GRIK2: variants seen among roughly 807,000 people sequenced by gnomAD.
GRIK2 encodes the protein glutamate receptor ionotropic, kainate 2.
Under a neutral mutation model 100.3 loss-of-function variants are expected in GRIK2, and 32 were observed. The observed-to-expected ratio is 0.32, with a 90% CI of 0.24 to 0.43. GRIK2 has a LOEUF of 0.43. Among genes scored for constraint, GRIK2 ranks in the 20% least tolerant of loss-of-function variants. The pLI is 1.00. For synonymous variants in GRIK2, 417 were observed against 389.4 expected, an observed-to-expected ratio of 1.07 and a Z score of -0.83; for missense variants, 843 against 1,114.9, an observed-to-expected ratio of 0.76 and a Z score of 3.47.
chr6:101,930,232 C>T (rs1444137434), intron 14 of GRIK2, among the ~76,000 whole-genome samples: 1 of 151,708 alleles, frequency 6.6e-6, no homozygotes, highest in Non-Finnish European at 1.5e-5. Flanking sequence ...TTCCCAGCTA[C>T]TTGGGAGGCT....
At chr6:101,793,753 A>T (rs2128409888) in intron 7 of GRIK2, among the ~76,000 whole-genome samples, 1 of 152,218 alleles carries the variant, frequency 6.6e-6, no homozygotes, top group South Asian at 2.1e-4. Flanking sequence ...TCAGACAGGG[A>T]CATTGAAGTC....
chr6:101,654,899 A>C (rs1252233004), intron 4 of GRIK2, among the ~76,000 whole-genome samples: 1 of 152,118 alleles, frequency 6.6e-6, no homozygotes, highest in South Asian at 2.1e-4. Flanking sequence ...CCTTGTGTTA[A>C]CAACTTAGTG....
At chr6:101,607,290 A>G (rs1459514124) in intron 2 of GRIK2, among the ~76,000 whole-genome samples, 2 of 152,010 alleles carry the variant, frequency 1.3e-5, no homozygotes, top group African/African-American at 4.8e-5. Context: ...TGGACGAGGC[A>G]CAATGTGTTA....
At chr6:101,697,491 A>G (rs1772579026) in intron 7 of GRIK2, among the ~76,000 whole-genome samples, 1 of 86,896 alleles carries the variant, frequency 1.2e-5, no homozygotes, top group Non-Finnish European at 3.5e-5. Flanking sequence ...TGCTATTACA[A>G]TAACATATCC....
chr6:101,981,992 T>C (rs1164478819), intron 14 of GRIK2, among the ~76,000 whole-genome samples: 4 of 151,860 alleles, frequency 2.6e-5, no homozygotes, highest in Non-Finnish European at 5.9e-5. Context: ...AGGAAAAATA[T>C]AGAAAATATA....
chr6:101,722,632 A>G (rs1774564356), intron 7 of GRIK2, among the ~76,000 whole-genome samples: 1 of 152,070 alleles, frequency 6.6e-6, no homozygotes, highest in South Asian at 2.1e-4. Flanking sequence ...CAGACAGTGT[A>G]TCTGGACTGT....
intron 2 of GRIK2, among the ~76,000 whole-genome samples, chr6:101,597,794 T>G (rs1482874010): frequency 1.3e-5 from 2 of 151,806 alleles, no homozygotes; most frequent in South Asian, 2.1e-4. Context: ...GAAGAGTTGT[T>G]AAAAAGACAG....
chr6:101,483,616 C>T (rs1465159344), intron 2 of GRIK2, among the ~76,000 whole-genome samples: 1 of 152,006 alleles, frequency 6.6e-6, no homozygotes, highest in Non-Finnish European at 1.5e-5. Flanking sequence ...GCTCTGTTGC[C>T]TAGGCTGGAG....
chr6:101,453,233 C>A (rs969758346), intron 2 of GRIK2, among the ~76,000 whole-genome samples: 2 of 151,528 alleles, frequency 1.3e-5, no homozygotes, highest in African/African-American at 4.8e-5. Context: ...CCAGTAGTTT[C>A]TTTTTTTCAT....
At chr6:101,467,587 A>T (rs1282105508) in intron 2 of GRIK2, among the ~76,000 whole-genome samples, 1 of 152,174 alleles carries the variant, frequency 6.6e-6, no homozygotes, top group African/African-American at 2.4e-5. Context: ...ACCTTCCATT[A>T]TTCAATATTG....
chr6:101,573,142 A>G (rs927529747), intron 2 of GRIK2, among the ~76,000 whole-genome samples: 2 of 152,048 alleles, frequency 1.3e-5, no homozygotes, highest in Admixed American at 6.6e-5. Flanking sequence ...CACCACACCC[A>G]GACACTTTAA....
intron 14 of GRIK2, among the ~76,000 whole-genome samples, chr6:101,941,670 C>T (rs772356440): frequency 6.6e-6 from 1 of 151,912 alleles, no homozygotes; most frequent in African/African-American, 2.4e-5. Context: ...AAGATGGTAA[C>T]ATATGTTATT....
Position 101,829,483 on chromosome 6 carries a change from T to C in GRIK2, c.1317+11000T>C, listed in dbSNP as rs561964481. Among the ~76,000 whole-genome samples the C allele has an allele frequency of 2.1e-3, 315 of 152,068 alleles. 3 individuals carry two copies. The highest frequency in any genetic ancestry group is 7.0e-3 in the African/African-American group (291 of 41,550). ...TCTCTTCACTGAATTTATGATTTTA[T>C]ACCTAAAAAACCCTGAAGATTCCTC... On this transcript the variant is annotated intron_variant, in intron 10 of 16. Transcript: ENST00000369134.
chr6:101,869,509 A>C (rs1785253601), intron 11 of GRIK2, among the ~76,000 whole-genome samples: 1 of 151,854 alleles, frequency 6.6e-6, no homozygotes, highest in Non-Finnish European at 1.5e-5. Flanking sequence ...TGGCCACTGA[A>C]CTGGAGTTTA....
intron 10 of GRIK2, among the ~76,000 whole-genome samples, chr6:101,829,267 G>T (rs1356359458): frequency 5.9e-5 from 9 of 151,660 alleles, no homozygotes; most frequent in African/African-American, 2.2e-4. Context: ...AACTGTCAAT[G>T]CTAAACCCAC....
intron 2 of GRIK2, among the ~76,000 whole-genome samples, chr6:101,514,335 G>A (rs1000304401): frequency 3.3e-5 from 5 of 151,960 alleles, no homozygotes; most frequent in African/African-American, 1.2e-4. Context: ...AAAACGACAC[G>A]GACACACATG....
intron 14 of GRIK2, among the ~76,000 whole-genome samples, chr6:102,033,480 T>C (rs866911513): frequency 2.6e-5 from 4 of 151,416 alleles, no homozygotes; most frequent in African/African-American, 9.7e-5. Flanking sequence ...AATGTAACTG[T>C]TTTTAAAACA....
At chr6:102,058,446 C>A (rs1771574961) in intron 16 of GRIK2, among the ~76,000 whole-genome samples, 1 of 136,254 alleles carries the variant, frequency 7.3e-6, no homozygotes, top group Admixed American at 7.4e-5. Flanking sequence ...CATAAAGAAA[C>A]AAATTATTTT....
At chr6:101,824,802 C>T (rs1782207396) in intron 10 of GRIK2, among the ~76,000 whole-genome samples, 1 of 152,148 alleles carries the variant, frequency 6.6e-6, no homozygotes, top group Non-Finnish European at 1.5e-5. Context: ...ACAGTATCCA[C>T]TTTACTTGCT....
Sources: gnomAD v4.1 joint callset for allele counts (sites outside exome capture counted in the v4.1 genomes callset) on GRCh38, gnomAD v4.1.1 for gene constraint, MANE v1.5 for transcripts, NCBI Gene and HGNC (gene_info 2026-07-23, HGNC 2026-07-21) for gene names.